Variants in MYRIP observed in about 807,000 individuals in gnomAD.
The protein encoded by MYRIP is rab effector MyRIP.
Under a neutral mutation model 98.0 loss-of-function variants are expected in MYRIP, and 49 were observed. The observed-to-expected ratio is 0.50, with a 90% CI of 0.40 to 0.63. The LOEUF is 0.63. Among genes scored for constraint, MYRIP ranks in the 30% least tolerant of loss-of-function variants. The pLI is 0.00. For missense variants in MYRIP, 1,004 were observed against 1,058.2 expected (o/e 0.95, Z 0.71); for synonymous variants, 404 against 409.5 (o/e 0.99, Z 0.16).
chr3:40,001,342 G>A (rs1041261910), intron 2 of MYRIP, among the ~76,000 whole-genome samples: 18 of 152,176 alleles, frequency 1.2e-4, no homozygotes, highest in African/African-American at 3.9e-4. Flanking sequence ...CAAAGGATGT[G>A]GAAACTTTTG....
intron 1 of MYRIP, among the ~76,000 whole-genome samples, chr3:39,900,372 A>G (rs1351461055): frequency 1.3e-5 from 2 of 151,340 alleles, no homozygotes; most frequent in East Asian, 3.8e-4. Flanking sequence ...AAATTAACAT[A>G]TTTTTATTTT....
intron 2 of MYRIP, among the ~76,000 whole-genome samples, chr3:39,959,399 C>T (rs997547378): frequency 2.0e-5 from 3 of 152,152 alleles, no homozygotes; most frequent in African/African-American, 7.2e-5. Flanking sequence ...TGGAAACCAT[C>T]ATTCTCAGCA....
At chr3:40,180,576 G>A (rs902563239) in intron 8 of MYRIP, among the ~76,000 whole-genome samples, 13 of 152,192 alleles carry the variant, frequency 8.5e-5, no homozygotes, top group African/African-American at 1.2e-4. Flanking sequence ...GAACCTTATC[G>A]ACGCACAGTG....
At chr3:39,891,534 C>A (rs962900297) in intron 1 of MYRIP, among the ~76,000 whole-genome samples, 3 of 152,090 alleles carry the variant, frequency 2.0e-5, no homozygotes, top group Non-Finnish European at 2.9e-5. Context: ...ATTGATTACA[C>A]ATTCCTTTAC....
At chr3:39,975,911 A>C (rs1945738900) in intron 2 of MYRIP, among the ~76,000 whole-genome samples, 2 of 152,226 alleles carry the variant, frequency 1.3e-5, no homozygotes, top group Non-Finnish European at 1.5e-5. Context: ...AGATGGATTA[A>C]AGACTTAAAT....
At chr3:39,996,986 A>G (rs368232330) in intron 2 of MYRIP, among the ~76,000 whole-genome samples, 2,865 of 152,188 alleles carry the variant, frequency 0.019, 33 homozygotes, top group Non-Finnish European at 0.032. Flanking sequence ...TGAAACCAAC[A>G]AGAACAAAGA....
chr3:39,815,759 G>A (rs896801131), intron 1 of MYRIP, among the ~76,000 whole-genome samples: 1 of 152,068 alleles, frequency 6.6e-6, no homozygotes, highest in Non-Finnish European at 1.5e-5. Flanking sequence ...GGTGATAGTG[G>A]ACCTCCCAGT....
At chr3:40,085,440 G>A (rs541839764) in intron 3 of MYRIP, among the ~76,000 whole-genome samples, 7 of 151,872 alleles carry the variant, frequency 4.6e-5, no homozygotes, top group East Asian at 1.9e-4. Flanking sequence ...ACCCACCACC[G>A]TGCCCAGCTA....
intron 4 of MYRIP, among the ~76,000 whole-genome samples, chr3:40,159,645 AT>A (rs1172539039): frequency 1.3e-5 from 2 of 152,030 alleles, no homozygotes; most frequent in African/African-American, 4.8e-5. Flanking sequence ...TCAGACGTAG[AT>A]TTGGTCTTTT....
chr3:39,846,855 T>C (rs1462916848), intron 1 of MYRIP, among the ~76,000 whole-genome samples: 1 of 152,144 alleles, frequency 6.6e-6, no homozygotes. Flanking sequence ...CCAGGAGAGC[T>C]GATGGTAAAG....
chr3:39,975,849 T>G (rs1388084737), intron 2 of MYRIP, among the ~76,000 whole-genome samples: 2 of 152,124 alleles, frequency 1.3e-5, no homozygotes, highest in African/African-American at 2.4e-5. Flanking sequence ...TAGCCATATG[T>G]AGAAAGCTGA....
At chr3:39,994,617 G>A (rs1398723820) in intron 2 of MYRIP, among the ~76,000 whole-genome samples, 3 of 152,224 alleles carry the variant, frequency 2.0e-5, no homozygotes, top group Non-Finnish European at 4.4e-5. Context: ...TGGGGGCAGG[G>A]CATAGCCAAA....
At chr3:40,061,404 AG>A (rs1417042809) in intron 3 of MYRIP, among the ~76,000 whole-genome samples, 1 of 152,190 alleles carries the variant, frequency 6.6e-6, no homozygotes, top group Non-Finnish European at 1.5e-5. Flanking sequence ...TTCCCATAAA[AG>A]ACATGGTCTT....
At chr3:39,904,055 G>C (rs765652486) in intron 2 of MYRIP, among the ~76,000 whole-genome samples, 2 of 152,072 alleles carry the variant, frequency 1.3e-5, no homozygotes, top group South Asian at 4.1e-4. Flanking sequence ...CATGGTATTT[G>C]GTGTCTCTGA....
chr3:39,936,647 C>T (rs2125705153), intron 2 of MYRIP, among the ~76,000 whole-genome samples: 2 of 152,240 alleles, frequency 1.3e-5, no homozygotes, highest in Middle Eastern at 6.8e-3. Context: ...AATCAGAAGG[C>T]AGAGCATGCA....
intron 2 of MYRIP, among the ~76,000 whole-genome samples, chr3:39,962,129 C>A (rs944115082): frequency 6.6e-6 from 1 of 152,112 alleles, no homozygotes; most frequent in African/African-American, 2.4e-5. Flanking sequence ...TGACCTTGAA[C>A]AAGTGGCTTA....
chr3:40,209,273 C>T (rs1297280679), intron 10 of MYRIP: 1 of 152,512 alleles, frequency 6.6e-6, no homozygotes, highest in African/African-American at 2.4e-5. Context: ...TACTGCACTC[C>T]AGCCTGGGCA....
At chr3:39,845,205 G>C (rs79812922) in intron 1 of MYRIP, among the ~76,000 whole-genome samples, 1 of 152,140 alleles carries the variant, frequency 6.6e-6, no homozygotes, top group African/African-American at 2.4e-5. Context: ...GATGCAGCTG[G>C]AGAGGTAGAG....
intron 3 of MYRIP, chr3:40,099,912 C>T (rs1948911089): frequency 1.2e-6 from 1 of 833,584 alleles, no homozygotes; most frequent in African/African-American, 1.9e-5. Flanking sequence ...AGCTTTGGTG[C>T]CTCTCTCTCC....
Sources: gnomAD v4.1 joint callset for allele counts (sites outside exome capture counted in the v4.1 genomes callset) on GRCh38, gnomAD v4.1.1 for gene constraint, MANE v1.5 for transcripts, NCBI Gene and HGNC (gene_info 2026-07-23, HGNC 2026-07-21) for gene names.